FAM107B: variants seen among roughly 807,000 people sequenced by gnomAD.
FAM107B encodes the protein protein FAM107B.
Under a neutral mutation model 31.5 loss-of-function variants are expected in FAM107B, and 21 were observed. The ratio of observed to expected loss-of-function variants is 0.67; its 90% CI spans 0.47 to 0.96. The LOEUF (loss-of-function observed/expected upper bound fraction) is 0.96, where lower values mean the gene tolerates loss of function less well. Ranked by LOEUF, FAM107B falls within the 40% of genes least tolerant of loss-of-function variation. The probability of loss-of-function intolerance (pLI) is 0.00; values close to 1 mark genes in which losing one functional copy is unlikely to be tolerated. For synonymous variants in FAM107B, 157 were observed against 141.5 expected, an observed-to-expected ratio of 1.11 and a Z score of -0.78; for missense variants, 452 against 377.1, an observed-to-expected ratio of 1.20 and a Z score of -1.64.
intron 1 of FAM107B, among the ~76,000 whole-genome samples, chr10:14,696,265 A>C (rs1022864788): frequency 2.6e-5 from 4 of 152,198 alleles, no homozygotes; most frequent in Non-Finnish European, 5.9e-5. Context: ...TTAATCTCGC[A>C]TTCTGTTAAT....
intron 4 of FAM107B, among the ~76,000 whole-genome samples, 155 bp downstream of exon 4, chr10:14,521,714 C>A (rs551669262): frequency 6.6e-6 from 1 of 152,340 alleles, no homozygotes; most frequent in East Asian, 1.9e-4. Flanking sequence ...CTGCCTTGAA[C>A]ATATTTGACC....
intron 2 of FAM107B, among the ~76,000 whole-genome samples, chr10:14,620,243 T>A: frequency 6.6e-6 from 1 of 152,108 alleles, no homozygotes; most frequent in Non-Finnish European, 1.5e-5. Flanking sequence ...GGTCTCGATG[T>A]CTCGACCTCG....
intron 2 of FAM107B, among the ~76,000 whole-genome samples, chr10:14,658,996 A>G (rs918835976): frequency 2.6e-5 from 4 of 152,230 alleles, no homozygotes; most frequent in East Asian, 3.8e-4. Context: ...AAAGTGGTCA[A>G]GGAAGCTCTC....
chr10:14,561,612 A>G (rs142479499), intron 2 of FAM107B, among the ~76,000 whole-genome samples: 2 of 152,330 alleles, frequency 1.3e-5, no homozygotes, highest in African/African-American at 4.8e-5. Flanking sequence ...CAAGGGCGAG[A>G]GGCCCCGCAG....
At chr10:14,660,140 A>G (rs1425122757) in intron 2 of FAM107B, among the ~76,000 whole-genome samples, 2 of 152,142 alleles carry the variant, frequency 1.3e-5, no homozygotes, top group Non-Finnish European at 2.9e-5. Flanking sequence ...TCCAACTTAC[A>G]GGATTCTCCC....
chr10:14,702,396 C>T (rs1402676914), intron 1 of FAM107B, among the ~76,000 whole-genome samples: 1 of 152,128 alleles, frequency 6.6e-6, no homozygotes, highest in African/African-American at 2.4e-5. Context: ...ACTTTATTCT[C>T]AGGCTGAAAT....
chr10:14,694,461 G>A lies in FAM107B; in HGVS notation c.412-26770C>T, dbSNP rs895745173. ...TGCAGTGGTGTGATCTTGGCTCACT[G>A]CAACCTCTGCCTCCTGGGTTCAAGC... On this transcript the variant is annotated intron_variant, in intron 1 of 4. Coordinates refer to ENST00000181796, the MANE Select transcript of FAM107B (RefSeq NM_031453.4). Among the ~76,000 whole-genome samples, 10 of 152,250 alleles carry A rather than the reference G, an allele frequency of 6.6e-5. 1 individual carries two copies. In the East Asian group the frequency reaches 1.4e-3, roughly 21 times the overall value.
intron 2 of FAM107B, among the ~76,000 whole-genome samples, chr10:14,551,589 C>CA (rs536605728): frequency 1.4e-5 from 2 of 143,928 alleles, no homozygotes; most frequent in Non-Finnish European, 3.0e-5. Flanking sequence ...CACTATTTTC[C>CA]TTTTTTTTTT....
At chr10:14,681,375 C>G (rs1462185352) in intron 1 of FAM107B, among the ~76,000 whole-genome samples, 1 of 152,182 alleles carries the variant, frequency 6.6e-6, no homozygotes, top group Non-Finnish European at 1.5e-5. Context: ...AATCTCTCCA[C>G]CTGTCCATTG....
intron 2 of FAM107B, among the ~76,000 whole-genome samples, chr10:14,621,974 T>C (rs542854122): frequency 1.5e-4 from 23 of 152,332 alleles, no homozygotes; most frequent in African/African-American, 5.5e-4. Flanking sequence ...GTCTTTTCTC[T>C]TCCAACTAAT....
intron 2 of FAM107B, among the ~76,000 whole-genome samples, chr10:14,663,179 C>G (rs1335294451): frequency 2.0e-5 from 3 of 152,218 alleles, no homozygotes; most frequent in Non-Finnish European, 4.4e-5. Context: ...GGCTTCCCTA[C>G]TTTTGAGATT....
At chr10:14,705,558 C>T (rs1043217665) in intron 1 of FAM107B, among the ~76,000 whole-genome samples, 5 of 152,066 alleles carry the variant, frequency 3.3e-5, no homozygotes, top group African/African-American at 1.2e-4. Context: ...CTGACACACA[C>T]CACAACATAA....
At chr10:14,641,064 A>G (rs1207842156) in intron 2 of FAM107B, among the ~76,000 whole-genome samples, 1 of 152,238 alleles carries the variant, frequency 6.6e-6, no homozygotes, top group Non-Finnish European at 1.5e-5. Flanking sequence ...TTACAAATGA[A>G]GAGATTACTT....
chr10:14,629,356 A>T (rs1257491176), intron 2 of FAM107B, among the ~76,000 whole-genome samples: 23 of 77,376 alleles, frequency 3.0e-4, no homozygotes, highest in East Asian at 3.4e-4. Context: ...TATATATATA[A>T]TATATATTAT....
chr10:14,683,125 C>T (rs948926677), intron 1 of FAM107B, among the ~76,000 whole-genome samples: 3 of 152,176 alleles, frequency 2.0e-5, no homozygotes, highest in African/African-American at 4.8e-5. Flanking sequence ...CCACGCCATC[C>T]GCCTGGCTCG....
At chr10:14,638,294 T>TC (rs1391463692) in intron 2 of FAM107B, among the ~76,000 whole-genome samples, 2 of 152,164 alleles carry the variant, frequency 1.3e-5, no homozygotes, top group African/African-American at 4.8e-5. Context: ...TTTTTTTTTT[T>TC]TCCCCTCTGT....
chr10:14,602,748 C>T (rs1852440321), intron 2 of FAM107B: 1 of 152,222 alleles, frequency 6.6e-6, no homozygotes, highest in Middle Eastern at 3.4e-3. Context: ...AAATATAGTC[C>T]ATGAAACTTT....
intron 2 of FAM107B, among the ~76,000 whole-genome samples, chr10:14,552,540 T>C (rs1849356648): frequency 6.6e-6 from 1 of 152,030 alleles, no homozygotes; most frequent in South Asian, 2.1e-4. Flanking sequence ...TATACTGTGA[T>C]AAGTTCATTA....
chr10:14,767,055 T>TATATATATATAGAGAGAG (rs1440609298), intron 1 of FAM107B, among the ~76,000 whole-genome samples: 2 of 18,280 alleles, frequency 1.1e-4, no homozygotes, highest in African/African-American at 1.5e-4. Context: ...TATATATATA[T>TATATATATATAGAGAGAG]AGAGAGAGAG....
Sources: gnomAD v4.1 joint callset for allele counts (sites outside exome capture counted in the v4.1 genomes callset) on GRCh38, gnomAD v4.1.1 for gene constraint, MANE v1.5 for transcripts, NCBI Gene and HGNC (gene_info 2026-07-23, HGNC 2026-07-21) for gene names.